Variants in NMD3 observed in about 807,000 individuals in gnomAD.
NMD3 encodes 60S ribosomal export protein NMD3.
A neutral mutation model predicts 73.1 loss-of-function variants in NMD3; 47 were observed. The ratio of observed to expected loss-of-function variants is 0.64; its 90% CI spans 0.51 to 0.82. The LOEUF (loss-of-function observed/expected upper bound fraction) is 0.82. Ranked by LOEUF, NMD3 falls within the 40% of genes least tolerant of loss-of-function variation. NMD3 has a pLI of 0.00. For missense variants in NMD3, 554 were observed against 612.5 expected, an observed-to-expected ratio of 0.90 and a Z score of 1.01; for synonymous variants, 210 against 194.5, an observed-to-expected ratio of 1.08 and a Z score of -0.66.
chr3:161,226,178 G>T (rs1418672441), intron 3 of NMD3, among the ~76,000 whole-genome samples: 2 of 152,074 alleles, frequency 1.3e-5, no homozygotes, highest in African/African-American at 4.8e-5. Context: ...CATAGGCCAG[G>T]CTTGGTGGCT....
chr3:161,242,786 A>AT, intron 11 of NMD3, 133 bp downstream of exon 11: 1 of 675,426 alleles, frequency 1.5e-6, no homozygotes. Context: ...TAGGAAAAAA[A>AT]TTCTTTTTTT....
At chr3:161,222,208 G>T (rs1736127946) in intron 2 of NMD3, 151 bp downstream of exon 2, 1 of 667,556 alleles carries the variant, frequency 1.5e-6, no homozygotes. Flanking sequence ...GTAGAAAATC[G>T]AATTAGTTTC....
chr3:161,240,563 C>T (rs1224095390), intron 9 of NMD3, among the ~76,000 whole-genome samples: 1 of 99,260 alleles, frequency 1.0e-5, no homozygotes, highest in African/African-American at 4.6e-5. Context: ...TTTGCTCTGT[C>T]ACCTAGGCTA....
intron 3 of NMD3, among the ~76,000 whole-genome samples, chr3:161,226,891 A>G (rs1576842600): frequency 6.6e-6 from 1 of 152,300 alleles, no homozygotes; most frequent in Non-Finnish European, 1.5e-5. Context: ...GCATTTTAGA[A>G]GTACATAATA....
intron 4 of NMD3, among the ~76,000 whole-genome samples, chr3:161,230,159 C>T (rs150848204): frequency 3.9e-5 from 6 of 152,200 alleles, no homozygotes; most frequent in South Asian, 2.1e-4. Context: ...AGTGCAGTGG[C>T]GCTGTCATGT....
At chr3:161,228,754 C>T (rs1736423844) in intron 4 of NMD3, among the ~76,000 whole-genome samples, 1 of 152,138 alleles carries the variant, frequency 6.6e-6, no homozygotes. Context: ...AAGGCAATCC[C>T]TGTCTTAGAA....
intron 1 of NMD3, 36 bp from the exon 2 acceptor site, chr3:161,221,958 C>CTTTTTTT (rs376329329): frequency 3.2e-5 from 28 of 868,840 alleles, no homozygotes; most frequent in African/African-American, 1.9e-4. Flanking sequence ...CCAACATTCT[C>CTTTTTTT]TTTTTTTTTT....
At position 161,222,257 on chromosome 3, in the gene NMD3, A is replaced by T. The variant is rs550707969; in HGVS notation, c.44+200A>T. ...TGTTCTAGTAAATATAAGCTCTAAG[A>T]GGGTTAAAATATTTACCATACATCC... On this transcript the variant is annotated intron_variant, in intron 2 of 15. Coordinates refer to ENST00000351193, the MANE Select transcript of NMD3 (RefSeq NM_015938.5). 7.9e-5 allele frequency among the ~76,000 whole-genome samples: 12 copies of T among 152,216 alleles called. No homozygotes were observed. The East Asian group carries it at 2.1e-3, about 27-fold the overall frequency.
rs1035238387 is a variant in NMD3 at position 161,251,944 on chromosome 3, C to G, written c.*1034C>G. 7 of 152,270 alleles carry G rather than the reference C, an allele frequency of 4.6e-5. No individual in the cohort carries two copies. Among genetic ancestry groups the G allele is most frequent in the African/African-American group, 1.7e-4 (7 of 41,542 alleles). The allele number at this position is 152,270 out of a possible 1,614,324, so 9.4% of individuals were successfully genotyped here. ...AGCAAGATCAGACTTGTTAAGTATG[C>G]CGCAAGTAAGAGCTAATTCATTCAT... On this transcript the variant is annotated 3_prime_UTR_variant, in exon 16 of 16. Transcript: ENST00000351193.
At chr3:161,245,614 C>T (rs1251486643) in intron 11 of NMD3, among the ~76,000 whole-genome samples, 1 of 151,748 alleles carries the variant, frequency 6.6e-6, no homozygotes, top group Non-Finnish European at 1.5e-5. Flanking sequence ...TTTGAGATTC[C>T]TTAATTTTAT....
At chr3:161,247,235 G>A (rs200457343) in intron 12 of NMD3, 23 bp from the exon 13 acceptor site, 13 of 1,554,056 alleles carry the variant, frequency 8.4e-6, no homozygotes, top group Non-Finnish European at 1.2e-5. Flanking sequence ...TGGTCACTAA[G>A]TTTTTCATTG....
chr3:161,226,973 A>C (rs1229731082), intron 3 of NMD3, among the ~76,000 whole-genome samples: 1 of 152,194 alleles, frequency 6.6e-6, no homozygotes, highest in Non-Finnish European at 1.5e-5. Flanking sequence ...ACTCTTGGAC[A>C]TTTTAGTGGT....
intron 2 of NMD3, among the ~76,000 whole-genome samples, 194 bp from the exon 3 acceptor site, chr3:161,224,736 C>G (rs1261090688): frequency 1.3e-5 from 2 of 152,160 alleles, no homozygotes; most frequent in African/African-American, 4.8e-5. Context: ...ATCTACCCGC[C>G]TCAGCCTCCC....
chr3:161,221,976 T>TAAAA lies in NMD3; in HGVS notation c.-20-18_-20-17insAAAA. On this transcript the variant is annotated splice_polypyrimidine_tract_variant and intron_variant, in intron 1 of 15. Transcript: ENST00000351193. ...ACATTCTCTTTTTTTTTTTTTTTTTTTTTTTTTTTTTTAAAAGAACTTAAG... is the reference window on the plus strand; with the variant it reads ...ACATTCTCTTTTTTTTTTTTTTTTTTAAAATTTTTTTTTTTTAAAAGAACTTAAG... The TAAAA allele has an allele frequency of 1.1e-6, 1 of 913,624 alleles. No individual in the cohort carries two copies. Among genetic ancestry groups the TAAAA allele is most frequent in the Non-Finnish European group, 1.4e-6 (1 of 693,466 alleles). 56.6% of individuals were successfully genotyped at this position (913,624 alleles called of 1,614,324 possible).
At position 161,224,952 on chromosome 3, in the gene NMD3, C is replaced by G; in HGVS notation, c.67C>G (p.Pro23Ala). ...GHILCCECGV[P>A]ISPNPANICV... is the part of the protein sequence containing the mutation. The stretch of plus-strand genomic sequence containing the variant: ...AAGCTTGTGCTGTGAGTGTGGTGTT[C>G]CGATAAGTCCAAATCCTGCCAATAT... The change falls in exon 3 of 16, where the codon CCG becomes GCG. Residue 23 changes from proline to alanine, a missense_variant. Physicochemically the swap from Pro to Ala is conservative, Grantham distance 27. Transcript: ENST00000351193. 3 of 1,612,266 alleles carry G rather than the reference C, an allele frequency of 1.9e-6. No individual in the cohort carries two copies. The highest frequency in any genetic ancestry group is 4.5e-5 in the East Asian group (2 of 44,706).
In NMD3 at chr3:161,250,788, A is replaced by T; in HGVS notation, c.1390A>T (p.Ile464Phe). 6.2e-7 allele frequency: 1 copy of T among 1,606,666 alleles called. No homozygotes were observed. Among genetic ancestry groups the T allele is most frequent in the Non-Finnish European group, 8.5e-7 (1 of 1,174,138 alleles). The change falls in exon 16 of 16, where the codon ATC (isoleucine) becomes TTC (phenylalanine). Residue 464 changes from isoleucine (I) to phenylalanine (F), a missense_variant. Physicochemically the swap from Ile to Phe is conservative, Grantham distance 21. Coordinates refer to ENST00000351193, the MANE Select transcript of NMD3 (RefSeq NM_015938.5). Reference sequence around the variant, plus strand: ...TCTTTGTATTTTTTTAGATTCAGCCATCCCTGTGGAAAGTGACACCGATGA... The same window carrying T: ...TCTTTGTATTTTTTTAGATTCAGCCTTCCCTGTGGAAAGTGACACCGATGA... Reference protein sequence around the residue: ...KNVNIYRDSAIPVESDTDDEG... With the variant: ...KNVNIYRDSAFPVESDTDDEG...
chr3:161,234,682 A>G, intron 5 of NMD3, 45 bp from the exon 6 acceptor site: 1 of 1,523,060 alleles, frequency 6.6e-7, no homozygotes, highest in Non-Finnish European at 8.9e-7. Context: ...AATATTTGTT[A>G]TTAAACAAAA....
Position 161,242,622 on chromosome 3 carries a change from G to A in NMD3, c.986G>A (p.Arg329His), listed in dbSNP as rs918212161. ...TGCAGCATAGTCCAAGATATAAAAC[G>A]TGCTGCAGGTGCTGGAATGATATCA... ...MECSIVQDIK[R>H]AAGAGMISKK... The change falls in exon 11 of 16, where the codon CGT (arginine) becomes CAT (histidine). Residue 329 changes from arginine (R) to histidine (H), a missense_variant. Arg to His is a conservative substitution (Grantham distance 29). Transcript: ENST00000351193. 3 of 1,612,796 alleles carry A rather than the reference G, an allele frequency of 1.9e-6. No individual in the cohort carries two copies. Among genetic ancestry groups the A allele is most frequent in the Non-Finnish European group, 2.5e-6 (3 of 1,179,374 alleles).
chr3:161,245,399 C>T (rs1419998700), intron 11 of NMD3, among the ~76,000 whole-genome samples: 1 of 151,738 alleles, frequency 6.6e-6, no homozygotes. Flanking sequence ...AAATTTCTTA[C>T]AAGCAGAAGT....
Sources: gnomAD v4.1 joint callset for allele counts (sites outside exome capture counted in the v4.1 genomes callset) on GRCh38, gnomAD v4.1.1 for gene constraint, MANE v1.5 for transcripts, NCBI Gene and HGNC (gene_info 2026-07-23, HGNC 2026-07-21) for gene names.